Variants in FILIP1 observed in about 807,000 individuals in gnomAD.
The protein encoded by FILIP1 is filamin-A-interacting protein 1.
FILIP1 carries 61 observed loss-of-function variants against 102.1 expected under a neutral mutation model. That is an observed-to-expected ratio of 0.60 (90% confidence interval 0.49 to 0.74). FILIP1 has a LOEUF of 0.74. Among genes scored for constraint, FILIP1 ranks in the 30% least tolerant of loss-of-function variants. The probability of loss-of-function intolerance (pLI) is 0.00; values close to 1 mark genes in which losing one functional copy is unlikely to be tolerated. For missense variants in FILIP1, 1,314 were observed against 1,441.2 expected, an observed-to-expected ratio of 0.91 and a Z score of 1.43; for synonymous variants, 491 against 526.9, an observed-to-expected ratio of 0.93 and a Z score of 0.93.
intron 2 of FILIP1, among the ~76,000 whole-genome samples, chr6:75,404,892 A>G (rs760782313): frequency 2.6e-5 from 4 of 152,120 alleles, no homozygotes; most frequent in Non-Finnish European, 4.4e-5. Context: ...TCTCTTTTCT[A>G]CATCCTTGAC....
chr6:75,311,093 A>G (rs1389877577), intron 5 of FILIP1, among the ~76,000 whole-genome samples: 2 of 152,206 alleles, frequency 1.3e-5, no homozygotes, highest in African/African-American at 4.8e-5. Context: ...TAAACAGTAC[A>G]AGCTCTTCTA....
intron 2 of FILIP1, among the ~76,000 whole-genome samples, chr6:75,404,064 C>T (rs1036070023): frequency 3.3e-5 from 5 of 152,066 alleles, no homozygotes; most frequent in African/African-American, 1.2e-4. Flanking sequence ...CTCCCAGGAC[C>T]GCACCCAAGA....
At chr6:75,395,363 T>C (rs1457101874) in intron 2 of FILIP1, among the ~76,000 whole-genome samples, 2 of 152,184 alleles carry the variant, frequency 1.3e-5, no homozygotes, top group African/African-American at 4.8e-5. Flanking sequence ...CACTGCAACC[T>C]CCACTTTCTG....
intron 3 of FILIP1, among the ~76,000 whole-genome samples, chr6:75,359,458 T>G (rs750614167): frequency 4.6e-5 from 7 of 152,144 alleles, no homozygotes; most frequent in Non-Finnish European, 8.8e-5. Context: ...GGCCCTTTAA[T>G]GAAGATTATC....
intron 3 of FILIP1, among the ~76,000 whole-genome samples, chr6:75,359,579 G>A (rs2149609207): frequency 6.6e-6 from 1 of 152,282 alleles, no homozygotes; most frequent in Non-Finnish European, 1.5e-5. Flanking sequence ...ACATAATGAA[G>A]AATATGGAAG....
At chr6:75,349,075 T>C (rs1206205630) in intron 4 of FILIP1, among the ~76,000 whole-genome samples, 5 of 152,198 alleles carry the variant, frequency 3.3e-5, no homozygotes, top group African/African-American at 1.2e-4. Context: ...TACATAATTG[T>C]TCTAGGCCTC....
chr6:75,364,860 G>A (rs907058522), intron 2 of FILIP1, among the ~76,000 whole-genome samples: 3 of 152,178 alleles, frequency 2.0e-5, no homozygotes, highest in Non-Finnish European at 2.9e-5. Flanking sequence ...TTAAAAAGGT[G>A]TCATCACCTT....
At chr6:75,342,743 T>C (rs1299591354) in intron 4 of FILIP1, among the ~76,000 whole-genome samples, 1 of 152,212 alleles carries the variant, frequency 6.6e-6, no homozygotes, top group East Asian at 1.9e-4. Context: ...TCCAAGTTCC[T>C]GATCCAAGTC....
intron 4 of FILIP1, among the ~76,000 whole-genome samples, chr6:75,343,896 A>T (rs1484455762): frequency 6.6e-6 from 1 of 152,240 alleles, no homozygotes; most frequent in African/African-American, 2.4e-5. Flanking sequence ...AGCCACCCAG[A>T]TTAGTTAAGA....
Position 75,335,691 on chromosome 6 carries a change from T to C in FILIP1, c.629+17848A>G, listed in dbSNP as rs149149202. ...TTTCAATTACAGAATAAAAGCACGA[T>C]ACCAGATAAATTAGTCAAATTAACT... On this transcript the variant is annotated intron_variant, in intron 4 of 5. Transcript: ENST00000237172. 9.0e-3 allele frequency among the ~76,000 whole-genome samples: 1,369 copies of C among 152,338 alleles called. 26 individuals carry two copies. Among genetic ancestry groups the C allele is most frequent in the African/African-American group, 0.031 (1,270 of 41,582 alleles).
intron 2 of FILIP1, among the ~76,000 whole-genome samples, chr6:75,390,733 T>A (rs1458573932): frequency 1.3e-5 from 2 of 152,142 alleles, no homozygotes; most frequent in African/African-American, 2.4e-5. Context: ...CAACATAAGA[T>A]TTGGGCAGGC....
chr6:75,292,121 C>T (rs989472134), exon 7 of FILIP1: 5 of 152,202 alleles, frequency 3.3e-5, no homozygotes, highest in South Asian at 2.1e-4. Flanking sequence ...ATAAACTTCT[C>T]GTGTACTTAA....
At chr6:75,472,012 T>C (rs1363821142) in intron 1 of FILIP1, among the ~76,000 whole-genome samples, 2 of 152,152 alleles carry the variant, frequency 1.3e-5, no homozygotes, top group African/African-American at 4.8e-5. Flanking sequence ...AAGGAGACTC[T>C]ATTACTAACG....
At position 75,394,654 on chromosome 6, in the gene FILIP1, C is replaced by T. The variant is rs76739811; in HGVS notation, c.276+20043G>A. On this transcript the variant is annotated intron_variant, in intron 2 of 5. Coordinates refer to ENST00000237172, the MANE Select transcript of FILIP1 (RefSeq NM_015687.5). ...CAGACTAATCACAGAAAAAGCAATA[C>T]AAATGTCTCTAACAACATTTGAAAA... is the stretch of plus-strand genomic sequence containing the variant. 2.6e-5 allele frequency among the ~76,000 whole-genome samples: 4 copies of T among 152,184 alleles called. No homozygotes were observed. The East Asian group carries it at 5.8e-4, about 22-fold the overall frequency.
intron 4 of FILIP1, chr6:75,334,840 C>A (rs1032686564): frequency 1.3e-5 from 2 of 152,126 alleles, no homozygotes; most frequent in African/African-American, 4.8e-5. Context: ...CTGATGATGT[C>A]ATTCCTCCCT....
At chr6:75,462,446 C>G (rs865853595) in intron 1 of FILIP1, among the ~76,000 whole-genome samples, 1 of 152,066 alleles carries the variant, frequency 6.6e-6, no homozygotes, top group Non-Finnish European at 1.5e-5. Context: ...CCAATCAGGA[C>G]AGATAACAGC....
intron 4 of FILIP1, chr6:75,318,982 A>T (rs1367400352): frequency 4.9e-6 from 3 of 610,114 alleles, no homozygotes; most frequent in Non-Finnish European, 8.7e-6. Context: ...GTGTACAGGG[A>T]GGTTAAATGC....
chr6:75,334,855 T>C (rs1177872474), intron 4 of FILIP1: 2 of 152,108 alleles, frequency 1.3e-5, no homozygotes, highest in Non-Finnish European at 2.9e-5. Context: ...CTCCCTTATA[T>C]GGCTCATTAT....
chr6:75,478,834 A>T (rs1444351693), intron 1 of FILIP1, among the ~76,000 whole-genome samples: 3 of 152,140 alleles, frequency 2.0e-5, no homozygotes, highest in African/African-American at 7.2e-5. Context: ...TTTTTTTCAG[A>T]GTATTTCATG....
Sources: gnomAD v4.1 joint callset for allele counts (sites outside exome capture counted in the v4.1 genomes callset) on GRCh38, gnomAD v4.1.1 for gene constraint, MANE v1.5 for transcripts, NCBI Gene and HGNC (gene_info 2026-07-23, HGNC 2026-07-21) for gene names.